The following CLBA1 variants were observed in gnomAD, a reference collection of about 807,000 sequenced individuals.
CLBA1 encodes the protein uncharacterized protein CLBA1.
Under a neutral mutation model 28.8 loss-of-function variants are expected in CLBA1, and 30 were observed. The ratio of observed to expected loss-of-function variants is 1.04; its 90% CI spans 0.78 to 1.41. CLBA1 has a LOEUF of 1.41. CLBA1 is among the 40% of genes most tolerant of loss of function. The pLI, the probability that CLBA1 is intolerant of heterozygous loss-of-function variation, is 0.00. For missense variants in CLBA1, 451 were observed against 412.3 expected (o/e 1.09, Z -0.81); for synonymous variants, 160 against 152.8 (o/e 1.05, Z -0.35).
downstream of CLBA1, among the ~76,000 whole-genome samples, chr14:104,995,965 G>T (rs866102100): frequency 6.6e-6 from 1 of 152,226 alleles, no homozygotes; most frequent in African/African-American, 2.4e-5. Context: ...TGCCAGCAGA[G>T]CCCCTCCAGG....
chr14:104,994,720 C>T lies in CLBA1; in HGVS notation c.939C>T (p.Arg313=). 1 of 1,613,542 alleles carries T rather than the reference C, an allele frequency of 6.2e-7. No homozygotes were observed. Among genetic ancestry groups the T allele is most frequent in the Non-Finnish European group, 8.5e-7 (1 of 1,179,746 alleles). The stretch of plus-strand genomic sequence containing the variant: ...CAAGGAAAAGGATGTTCACTCCACG[C>T]AAGCTCAAACTGACACTCTTTAATA... ...TIPRKRMFTP[R]KLKLTLFNSD... Residue 313 remains arginine (R), a synonymous_variant, in exon 5 of 5, where the codon CGC becomes CGT. Coordinates refer to ENST00000547315, the MANE Select transcript of CLBA1 (RefSeq NM_174891.4).
intron 4 of CLBA1, 124 bp from the exon 5 acceptor site, chr14:104,994,474 A>G: frequency 2.1e-6 from 3 of 1,426,306 alleles, no homozygotes; most frequent in Non-Finnish European, 2.7e-6. Flanking sequence ...AAGGTTTCTA[A>G]GAGGAGAACC....
rs1218048875 is a variant in CLBA1 at position 104,995,479 on chromosome 14, CTT to C, written c.*723_*724del. ...GGCAGAGCCAAGAAGTCAGCCCTGA[CTT>C]TTGTAAAATTTTACTAAATAAAACC... On this transcript the variant is annotated 3_prime_UTR_variant, in exon 5 of 5. Coordinates refer to ENST00000547315, the MANE Select transcript of CLBA1 (RefSeq NM_174891.4). 1 of 985,334 alleles carries C rather than the reference CTT, an allele frequency of 1.0e-6. No individual in the cohort carries two copies. The highest frequency in any genetic ancestry group is 1.2e-6 in the Non-Finnish European group (1 of 829,936). The allele number at this position is 985,334 out of a possible 1,614,324, so 61.0% of individuals were successfully genotyped here. A position where few individuals can be genotyped will look rare whatever the true frequency, so the allele number is the denominator to read the frequency against.
At chr14:104,998,847 G>A (rs936964772), downstream of CLBA1, among the ~76,000 whole-genome samples, 1 of 152,256 alleles carries the variant, frequency 6.6e-6, no homozygotes, top group Non-Finnish European at 1.5e-5. Flanking sequence ...AGCAGAGCCA[G>A]TGCAAACACG....
At chr14:104,989,630 A>C (rs754316536) in intron 2 of CLBA1, 13 of 456,018 alleles carry the variant, frequency 2.9e-5, no homozygotes, top group African/African-American at 2.6e-4. Flanking sequence ...GCCATTTTCC[A>C]GGGACACACT....
At chr14:105,000,505 CAG>C (rs1900246425), downstream of CLBA1, among the ~76,000 whole-genome samples, 1 of 152,098 alleles carries the variant, frequency 6.6e-6, no homozygotes. Flanking sequence ...CTCCTGACCT[CAG>C]GTGATCCACC....
Position 104,986,765 on chromosome 14 carries a change from A to T in CLBA1, c.334A>T (p.Thr112Ser), listed in dbSNP as rs752163210. Reference protein sequence around the residue: ...EGPTEPQPPRTTSAPKECSSH... With the variant: ...EGPTEPQPPRSTSAPKECSSH... ...ACCCACAGAACCCCAGCCACCGAGA[A>T]CCACTTCTGCCCCAAAAGAGTGCAG... The change falls in exon 1 of 5, where the codon ACC becomes TCC. Residue 112 changes from threonine to serine, a missense_variant. Physicochemically the swap from Thr to Ser is moderately conservative, Grantham distance 58. Coordinates refer to ENST00000547315, the MANE Select transcript of CLBA1 (RefSeq NM_174891.4). 1 of 1,613,966 alleles carries T rather than the reference A, an allele frequency of 6.2e-7. No homozygotes were observed. Among genetic ancestry groups the T allele is most frequent in the Non-Finnish European group, 8.5e-7 (1 of 1,180,016 alleles).
At chr14:104,999,029 G>A (rs1050717823), downstream of CLBA1, among the ~76,000 whole-genome samples, 12 of 152,200 alleles carry the variant, frequency 7.9e-5, no homozygotes, top group African/African-American at 2.2e-4. Flanking sequence ...TGCCCACCTC[G>A]GCCTCAGATG....
downstream of CLBA1, among the ~76,000 whole-genome samples, chr14:104,996,602 A>C (rs1900160726): frequency 6.6e-6 from 1 of 152,218 alleles, no homozygotes; most frequent in African/African-American, 2.4e-5. Flanking sequence ...GCTGAGGAAG[A>C]GGCTGCAAGA....
At chr14:104,999,418 C>T (rs970995606), downstream of CLBA1, 3 of 169,688 alleles carry the variant, frequency 1.8e-5, no homozygotes, top group African/African-American at 7.2e-5. Context: ...GGAGAAATGT[C>T]TGCAGTGATC....
intron 3 of CLBA1, among the ~76,000 whole-genome samples, chr14:104,992,054 G>A (rs1247550451): frequency 2.6e-5 from 3 of 114,830 alleles, no homozygotes; most frequent in African/African-American, 7.0e-5. Flanking sequence ...ACGCCACCAC[G>A]CACACGCCGC....
intron 1 of CLBA1, among the ~76,000 whole-genome samples, chr14:104,988,162 C>T (rs1042349232): frequency 5.3e-5 from 8 of 152,182 alleles, no homozygotes; most frequent in South Asian, 2.1e-4. Context: ...GACTCGCACA[C>T]GTACACCCTC....
intron 2 of CLBA1, among the ~76,000 whole-genome samples, chr14:105,000,731 GCTATT>G (rs1900251762): frequency 6.6e-6 from 1 of 152,056 alleles, no homozygotes; most frequent in Non-Finnish European, 1.5e-5. Flanking sequence ...TGTTAGGATG[GCTATT>G]CTAAACAGAT....
intron 3 of CLBA1, among the ~76,000 whole-genome samples, chr14:104,992,142 T>C (rs1169425459): frequency 3.5e-5 from 4 of 114,468 alleles, no homozygotes; most frequent in African/African-American, 1.1e-4. Flanking sequence ...CACGCCGCCA[T>C]GCACACGCCT....
In CLBA1 at chr14:104,994,572, G is replaced by A. The variant is rs141386267; in HGVS notation, c.817-26G>A. On this transcript the variant is annotated intron_variant, in intron 4 of 4. Transcript: ENST00000547315. ...GCTTCTCATTGCCCGGGGTGCGCGC[G>A]CCTGACTGCTGTCCTCTCATCTCAG... 17 of 1,586,986 alleles carry A rather than the reference G, an allele frequency of 1.1e-5. No individual in the cohort carries two copies. The African/African-American group carries it at 1.1e-4, about 10-fold the overall frequency.
At chr14:104,997,915 A>G (rs1451704641), downstream of CLBA1, among the ~76,000 whole-genome samples, 2 of 152,122 alleles carry the variant, frequency 1.3e-5, no homozygotes, top group African/African-American at 2.4e-5. Context: ...AGGCTGAGAC[A>G]AGAGACTTAC....
intron 4 of CLBA1, chr14:104,993,500 A>G: frequency 8.1e-6 from 8 of 985,446 alleles, no homozygotes; most frequent in Non-Finnish European, 9.6e-6. Flanking sequence ...CTTACCCTAC[A>G]CAGGGTCTGC....
Position 104,995,496 on chromosome 14 carries a change from T to C in CLBA1, c.*737T>C. The stretch of plus-strand genomic sequence containing the variant: ...AGCCCTGACTTTTGTAAAATTTTAC[T>C]AAATAAAACCACCTGGATAAGCCTG... On this transcript the variant is annotated 3_prime_UTR_variant, in exon 5 of 5. Coordinates refer to ENST00000547315, the MANE Select transcript of CLBA1 (RefSeq NM_174891.4). 1.2e-5 allele frequency: 12 copies of C among 985,366 alleles called. No homozygotes were observed. Among genetic ancestry groups the C allele is most frequent in the Non-Finnish European group, 1.4e-5 (12 of 829,874 alleles). The allele number at this position is 985,366 out of a possible 1,614,324, so 61.0% of individuals were successfully genotyped here.
rs772777895 is a variant in CLBA1 at position 104,989,091 on chromosome 14, A to C, written c.569+3A>C. 6.2e-7 allele frequency: 1 copy of C among 1,602,724 alleles called. No individual in the cohort carries two copies. The highest frequency in any genetic ancestry group is 2.2e-5 in the East Asian group (1 of 44,780). ...GTTGAACGTGTACATAAATTGTGGT[A>C]ATGAACTGAAGAAATATTTCTTACA... On this transcript the variant is annotated splice_donor_region_variant and intron_variant, in intron 2 of 4. Coordinates refer to ENST00000547315, the MANE Select transcript of CLBA1 (RefSeq NM_174891.4).
Sources: allele counts gnomAD v4.1 joint callset (sites outside exome capture counted in the v4.1 genomes callset), GRCh38; gene constraint gnomAD v4.1.1; transcripts MANE v1.5; gene names NCBI Gene and HGNC (gene_info 2026-07-23, HGNC 2026-07-21).